The following ALK variants were observed in gnomAD, a reference collection of about 807,000 sequenced individuals.
The protein encoded by ALK is ALK receptor tyrosine kinase, also known as ALK tyrosine kinase receptor.
Under a neutral mutation model 163.1 loss-of-function variants are expected in ALK, and 74 were observed. That is an observed-to-expected ratio of 0.45 (90% CI 0.38 to 0.55). ALK has a LOEUF of 0.55. Ranked by LOEUF, ALK falls within the 20% of genes least tolerant of loss-of-function variation. The pLI is 0.00. For missense variants in ALK, 2,063 were observed against 2,105.3 expected (o/e 0.98, Z 0.39); for synonymous variants, 960 against 843.2 (o/e 1.14, Z -2.40).
chr2:29,379,334 C>T (rs1668837972), intron 5 of ALK, among the ~76,000 whole-genome samples: 1 of 152,064 alleles, frequency 6.6e-6, no homozygotes, highest in South Asian at 2.1e-4. Flanking sequence ...GGGTAATAGC[C>T]CAAAGCTATA....
At chr2:29,573,013 T>A (rs1212474246) in intron 3 of ALK, among the ~76,000 whole-genome samples, 7 of 152,176 alleles carry the variant, frequency 4.6e-5, no homozygotes, top group Admixed American at 3.3e-4. Flanking sequence ...CCGTCTCTAG[T>A]TCCAAAGCAG....
At chr2:29,840,031 A>G (rs1274854310) in intron 1 of ALK, among the ~76,000 whole-genome samples, 1 of 152,210 alleles carries the variant, frequency 6.6e-6, no homozygotes, top group Non-Finnish European at 1.5e-5. Flanking sequence ...AAGCTAGTCT[A>G]CTTAGCAAAT....
chr2:29,376,243 C>T (rs1573295688), intron 5 of ALK, among the ~76,000 whole-genome samples: 2 of 152,230 alleles, frequency 1.3e-5, no homozygotes, highest in East Asian at 3.8e-4. Context: ...AAGCCCCTCT[C>T]AGGTTTATTT....
chr2:29,214,123 A>G, intron 23 of ALK, 42 bp from the exon 24 acceptor site: 1 of 1,548,866 alleles, frequency 6.5e-7, no homozygotes. Flanking sequence ...GGAGCTTGTC[A>G]GTGAGAGGAG....
intron 1 of ALK, among the ~76,000 whole-genome samples, chr2:29,735,061 T>G (rs1233917727): frequency 6.6e-6 from 1 of 152,224 alleles, no homozygotes; most frequent in Non-Finnish European, 1.5e-5. Flanking sequence ...GGTATTGGTA[T>G]TCTCGTTTTG....
At chr2:29,893,409 T>C (rs972077146) in intron 1 of ALK, among the ~76,000 whole-genome samples, 4 of 152,186 alleles carry the variant, frequency 2.6e-5, no homozygotes, top group Non-Finnish European at 5.9e-5. Context: ...CATTCCATTA[T>C]TCTTTTCTTC....
chr2:29,244,161 C>A (rs993752777), intron 12 of ALK, among the ~76,000 whole-genome samples: 1 of 152,234 alleles, frequency 6.6e-6, no homozygotes, highest in African/African-American at 2.4e-5. Flanking sequence ...AACAGAAGCA[C>A]CCCATTCCTT....
At chr2:29,355,433 C>T (rs541374708) in intron 5 of ALK, among the ~76,000 whole-genome samples, 117 of 152,078 alleles carry the variant, frequency 7.7e-4, no homozygotes, top group Non-Finnish European at 1.3e-3. Flanking sequence ...GACTTTCAGT[C>T]CATCCTGGCC....
chr2:29,399,357 C>T (rs1488285052), intron 4 of ALK, among the ~76,000 whole-genome samples: 1 of 152,216 alleles, frequency 6.6e-6, no homozygotes, highest in Non-Finnish European at 1.5e-5. Flanking sequence ...AGGGGACCCT[C>T]AGCTCAGTAC....
intron 3 of ALK, among the ~76,000 whole-genome samples, chr2:29,687,753 C>A (rs1229814004): frequency 2.0e-5 from 3 of 152,138 alleles, no homozygotes; most frequent in Non-Finnish European, 4.4e-5. Flanking sequence ...CTACTACACA[C>A]ATTCTTTAAC....
At chr2:29,326,524 C>T (rs1667267728) in intron 6 of ALK, among the ~76,000 whole-genome samples, 1 of 151,866 alleles carries the variant, frequency 6.6e-6, no homozygotes, top group South Asian at 2.1e-4. Flanking sequence ...CACACAGGCC[C>T]CTGAACAGGG....
intron 8 of ALK, among the ~76,000 whole-genome samples, chr2:29,297,628 T>C (rs1666234434): frequency 6.6e-6 from 1 of 152,244 alleles, no homozygotes; most frequent in African/African-American, 2.4e-5. Context: ...GACAAAAATC[T>C]ACATATCAAG....
chr2:29,534,778 T>C (rs1248139707), intron 3 of ALK, among the ~76,000 whole-genome samples: 1 of 152,220 alleles, frequency 6.6e-6, no homozygotes, highest in Non-Finnish European at 1.5e-5. Flanking sequence ...TCTCCACCCT[T>C]GGGTGTGGCC....
chr2:29,341,785 T>C (rs1476582839), intron 5 of ALK, among the ~76,000 whole-genome samples: 1 of 152,192 alleles, frequency 6.6e-6, no homozygotes, highest in East Asian at 1.9e-4. Context: ...ATTTGATAGG[T>C]ACAGTTCAGG....
chr2:29,883,504 T>G (rs181558888), intron 1 of ALK, among the ~76,000 whole-genome samples: 11 of 152,338 alleles, frequency 7.2e-5, no homozygotes, highest in African/African-American at 2.2e-4. Context: ...ATGGGTGCTG[T>G]GACTTGTCTA....
At chr2:29,753,958 C>A (rs1680443811) in intron 1 of ALK, among the ~76,000 whole-genome samples, 1 of 152,184 alleles carries the variant, frequency 6.6e-6, no homozygotes, top group African/African-American at 2.4e-5. Context: ...TATTTCACAG[C>A]ATCTTTGTAA....
intron 3 of ALK, among the ~76,000 whole-genome samples, chr2:29,593,426 C>G (rs1314340525): frequency 6.6e-6 from 1 of 152,172 alleles, no homozygotes; most frequent in African/African-American, 2.4e-5. Flanking sequence ...CCCTCTTCAC[C>G]GGGATCACTA....
At chr2:29,639,599 G>A (rs947685093) in intron 3 of ALK, among the ~76,000 whole-genome samples, 1 of 152,188 alleles carries the variant, frequency 6.6e-6, no homozygotes, top group Non-Finnish European at 1.5e-5. Flanking sequence ...CTAGGGCAAA[G>A]TTACATTGCC....
intron 3 of ALK, among the ~76,000 whole-genome samples, chr2:29,628,849 A>G (rs1676274722): frequency 6.6e-6 from 1 of 152,200 alleles, no homozygotes; most frequent in East Asian, 1.9e-4. Context: ...GCATAATAAA[A>G]CATTCACATA....
Sources: gnomAD v4.1 joint callset for allele counts (sites outside exome capture counted in the v4.1 genomes callset) on GRCh38, gnomAD v4.1.1 for gene constraint, MANE v1.5 for transcripts, NCBI Gene and HGNC (gene_info 2026-07-23, HGNC 2026-07-21) for gene names.